DPP10: variants seen among roughly 807,000 people sequenced by gnomAD.
The protein encoded by DPP10 is dipeptidyl peptidase like 10.
DPP10 carries 33 observed loss-of-function variants against 120.9 expected under a neutral mutation model. The ratio of observed to expected loss-of-function variants is 0.27; its 90% confidence interval spans 0.21 to 0.37. DPP10 has a LOEUF of 0.37. DPP10 is among the 10% of genes least tolerant of loss of function. The pLI, the probability that DPP10 is intolerant of heterozygous loss-of-function variation, is 1.00. For missense variants in DPP10, 816 were observed against 942.8 expected (o/e 0.87, Z 1.76); for synonymous variants, 337 against 326.1 (o/e 1.03, Z -0.36).
chr2:115,530,427 G>A (rs1265010774), intron 5 of DPP10, among the ~76,000 whole-genome samples: 1 of 152,024 alleles, frequency 6.6e-6, no homozygotes, highest in African/African-American at 2.4e-5. Context: ...AGAATCATAT[G>A]CTGGGCTTTG....
intron 4 of DPP10, among the ~76,000 whole-genome samples, chr2:115,499,868 C>G (rs998601616): frequency 2.6e-5 from 4 of 151,910 alleles, no homozygotes; most frequent in Admixed American, 6.6e-5. Flanking sequence ...ATAATTTTCC[C>G]AATATTTTAT....
chr2:115,537,119 G>T (rs540877454), intron 5 of DPP10, among the ~76,000 whole-genome samples: 52 of 151,968 alleles, frequency 3.4e-4, no homozygotes, highest in Non-Finnish European at 6.2e-4. Context: ...CAAGATGCAG[G>T]TTCCAACCTT....
chr2:115,134,972 C>A (rs1405767567), intron 1 of DPP10, among the ~76,000 whole-genome samples: 1 of 152,074 alleles, frequency 6.6e-6, no homozygotes, highest in Non-Finnish European at 1.5e-5. Flanking sequence ...TCTAACAGAA[C>A]ACAAGCAATG....
intron 1 of DPP10, among the ~76,000 whole-genome samples, chr2:115,064,385 T>C (rs949240425): frequency 2.0e-4 from 31 of 152,182 alleles, no homozygotes; most frequent in Admixed American, 2.6e-4. Flanking sequence ...GCCATGGGGC[T>C]GAGCATTACA....
intron 10 of DPP10, 50 bp from the exon 11 acceptor site, chr2:115,753,124 T>C: frequency 6.4e-7 from 1 of 1,567,784 alleles, no homozygotes; most frequent in Non-Finnish European, 8.7e-7. Context: ...GTTGGTACTA[T>C]ATCAATGCTC....
At chr2:115,609,742 G>C (rs1289055577) in intron 5 of DPP10, among the ~76,000 whole-genome samples, 1 of 152,098 alleles carries the variant, frequency 6.6e-6, no homozygotes, top group African/African-American at 2.4e-5. Flanking sequence ...TAACCTTAGT[G>C]AAACCAATAT....
chr2:115,592,776 G>T (rs1416545555), intron 5 of DPP10, among the ~76,000 whole-genome samples: 1 of 150,816 alleles, frequency 6.6e-6, no homozygotes, highest in Non-Finnish European at 1.5e-5. Flanking sequence ...AAGAAAGAAA[G>T]AAAAAAGAAA....
At chr2:115,312,392 A>G (rs951639379) in intron 2 of DPP10, among the ~76,000 whole-genome samples, 4 of 152,114 alleles carry the variant, frequency 2.6e-5, no homozygotes, top group Admixed American at 1.3e-4. Context: ...CTCAACCCAA[A>G]CATGTCAGAG....
chr2:114,661,151 T>TA (rs538024536), intron 1 of DPP10, among the ~76,000 whole-genome samples: 2,465 of 151,700 alleles, frequency 0.016, 25 homozygotes, highest in Middle Eastern at 0.031. Flanking sequence ...GAACAACAAT[T>TA]AAAAAAAAAT....
intron 1 of DPP10, among the ~76,000 whole-genome samples, chr2:115,031,251 GA>G (rs1360539076): frequency 1.3e-5 from 2 of 151,732 alleles, no homozygotes; most frequent in African/African-American, 2.4e-5. Context: ...ATATTGAAAA[GA>G]AAAAAAAGAG....
intron 5 of DPP10, among the ~76,000 whole-genome samples, chr2:115,573,976 A>G (rs2081505134): frequency 6.6e-6 from 1 of 152,070 alleles, no homozygotes; most frequent in East Asian, 1.9e-4. Flanking sequence ...GAACCACTGA[A>G]GCTTAACTAA....
At chr2:115,500,842 G>C (rs2076646340) in intron 4 of DPP10, among the ~76,000 whole-genome samples, 1 of 151,886 alleles carries the variant, frequency 6.6e-6, no homozygotes, top group African/African-American at 2.4e-5. Context: ...TTAATAAACA[G>C]TATACAGCAG....
chr2:115,071,791 C>T (rs1707388897), intron 1 of DPP10, among the ~76,000 whole-genome samples: 1 of 152,064 alleles, frequency 6.6e-6, no homozygotes, highest in Admixed American at 6.5e-5. Flanking sequence ...GCCTGATCAC[C>T]TTAGTTTAAA....
At chr2:115,692,182 T>A (rs1286475415) in intron 7 of DPP10, among the ~76,000 whole-genome samples, 1 of 145,226 alleles carries the variant, frequency 6.9e-6, no homozygotes, top group African/African-American at 2.5e-5. Context: ...AAAAATTGAT[T>A]CTATTATGGT....
At position 114,587,333 on chromosome 2, in the gene DPP10, G is replaced by A. The variant is rs143935496; in HGVS notation, c.60+144495G>A. On this transcript the variant is annotated intron_variant, in intron 1 of 25. Transcript: ENST00000410059. Reference sequence around the variant, plus strand: ...AAAAAAAAAAAAAATACACACACACGCATGCACACACACACAGACACACAC... The same window carrying A: ...AAAAAAAAAAAAAATACACACACACACATGCACACACACACAGACACACAC... Among the ~76,000 whole-genome samples the A allele has an allele frequency of 2.5e-3, 372 of 147,382 alleles. 3 individuals are homozygous for A. Among genetic ancestry groups the A allele is most frequent in the African/African-American group, 8.7e-3 (350 of 40,138 alleles).
chr2:115,078,394 CT>C (rs1302256068), intron 1 of DPP10, among the ~76,000 whole-genome samples: 1 of 152,112 alleles, frequency 6.6e-6, no homozygotes, highest in Non-Finnish European at 1.5e-5. Flanking sequence ...AAGATTAAGA[CT>C]AATTTTGTAA....
At chr2:115,121,478 C>T (rs1414206840) in intron 1 of DPP10, among the ~76,000 whole-genome samples, 1 of 152,208 alleles carries the variant, frequency 6.6e-6, no homozygotes, top group East Asian at 1.9e-4. Context: ...TGGGAGCTAG[C>T]TGGAGCTGGA....
In DPP10 at chr2:114,442,855, C is replaced by A; in HGVS notation, c.60+17C>A. ...ACAATCAAGGTAGGATCTGGTTTTT[C>A]CCTCTGCTTCTGCACATGTGTCTTC... On this transcript the variant is annotated intron_variant, in intron 1 of 25. Coordinates refer to ENST00000410059, the MANE Select transcript of DPP10 (RefSeq NM_020868.6). The A allele has an allele frequency of 6.2e-7, 1 of 1,612,994 alleles. No individual in the cohort carries two copies.
At chr2:114,881,408 T>C (rs1691595129) in intron 1 of DPP10, among the ~76,000 whole-genome samples, 1 of 152,114 alleles carries the variant, frequency 6.6e-6, no homozygotes, top group South Asian at 2.1e-4. Context: ...ACACCTTATC[T>C]ACCATTTACC....
Sources: allele counts gnomAD v4.1 joint callset (sites outside exome capture counted in the v4.1 genomes callset), GRCh38; gene constraint gnomAD v4.1.1; transcripts MANE v1.5; gene names NCBI Gene and HGNC (gene_info 2026-07-23, HGNC 2026-07-21).